The following CA7 variants were observed in gnomAD, a reference collection of about 807,000 sequenced individuals.
The protein encoded by CA7 is carbonate dehydratase VII.
CA7 carries 13 observed loss-of-function variants against 31.4 expected under a neutral mutation model. The ratio of observed to expected loss-of-function variants is 0.41; its 90% CI spans 0.27 to 0.66. The LOEUF (loss-of-function observed/expected upper bound fraction) is 0.66, where lower values mean the gene tolerates loss of function less well. CA7 is among the 30% of genes least tolerant of loss of function. The pLI is 0.28. For synonymous variants in CA7, 128 were observed against 133.2 expected (o/e 0.96, Z 0.27); for missense variants, 215 against 351.0 (o/e 0.61, Z 3.10).
In CA7 at chr16:66,847,507, T is replaced by C. The variant is rs1204781020; in HGVS notation, c.238+280T>C. On this transcript the variant is annotated intron_variant, in intron 2 of 6. Coordinates refer to ENST00000338437, the MANE Select transcript of CA7 (RefSeq NM_005182.3). Reference sequence around the variant, plus strand: ...GGAAATGCTAATTTCTTTCCTTCCCTTCCTTCCCTTCCTTGTGGTGCTACA... The same window carrying C: ...GGAAATGCTAATTTCTTTCCTTCCCCTCCTTCCCTTCCTTGTGGTGCTACA... 1.3e-5 allele frequency among the ~76,000 whole-genome samples: 2 copies of C among 152,206 alleles called. 1 individual carries two copies. The highest frequency in any genetic ancestry group is 4.1e-4 in the South Asian group (2 of 4,828).
chr16:66,853,306 G>T lies in CA7; in HGVS notation c.673-70G>T. On this transcript the variant is annotated intron_variant, in intron 6 of 6. Coordinates refer to ENST00000338437, the MANE Select transcript of CA7 (RefSeq NM_005182.3). The surrounding 1 kb of genome is among the most constrained non-coding windows in gnomAD (Gnocchi z 4.5). The stretch of plus-strand genomic sequence containing the variant: ...AGCTGGCTGGGCAGGTATGCCAGAT[G>T]ATGCATCTGGGGTCATAGAGGACCA... 6.3e-7 allele frequency: 1 copy of T among 1,593,398 alleles called. No homozygotes were observed. Among genetic ancestry groups the T allele is most frequent in the Non-Finnish European group, 8.6e-7 (1 of 1,164,292 alleles).
In CA7 at chr16:66,851,545, G is replaced by A; in HGVS notation, c.440G>A (p.Gly147Asp). Residue 147 changes from glycine (G) to aspartate (D), a missense_variant, in exon 4 of 7, where the codon GGT (glycine) becomes GAT (aspartate). Gly to Asp is a moderately conservative substitution (Grantham distance 94). Coordinates refer to ENST00000338437, the MANE Select transcript of CA7 (RefSeq NM_005182.3). Reference sequence around the variant, plus strand: ...GCACCTGATGGCCTGGCTGTGGTTGGTGTTTTTTTGGAGGTGAGTGGTGGT... The same window carrying A: ...GCACCTGATGGCCTGGCTGTGGTTGATGTTTTTTTGGAGGTGAGTGGTGGT... ...ASAPDGLAVV[G>D]VFLETGDEHP... 6.2e-7 allele frequency: 1 copy of A among 1,614,118 alleles called. No individual in the cohort carries two copies. Among genetic ancestry groups the A allele is most frequent in the Non-Finnish European group, 8.5e-7 (1 of 1,179,996 alleles).
In CA7 at chr16:66,844,441, GGACCGAGCC is replaced by G; in HGVS notation, c.-41_-33del. 1 of 1,506,516 alleles carries G rather than the reference GGACCGAGCC, an allele frequency of 6.6e-7. No homozygotes were observed. Among genetic ancestry groups the G allele is most frequent in the Non-Finnish European group, 8.9e-7 (1 of 1,120,420 alleles). 93.3% of individuals were successfully genotyped at this position (1,506,516 alleles called of 1,614,324 possible). The stretch of plus-strand genomic sequence containing the variant: ...GGCCGGAGCCGCAGCCCGAACGAGC[GGACCGAGCC>G]GACCGGGCAGGTGCACGGCTGCGGG... On this transcript the variant is annotated 5_prime_UTR_variant, in exon 1 of 7. Coordinates refer to ENST00000338437, the MANE Select transcript of CA7 (RefSeq NM_005182.3).
rs763806244 is a variant in CA7, at chr16:66,853,520, C to T, written c.*22C>T. 6.8e-6 allele frequency: 11 copies of T among 1,612,942 alleles called. No homozygotes were observed. In the South Asian group the frequency reaches 8.8e-5, roughly 13 times the overall value. On this transcript the variant is annotated 3_prime_UTR_variant, in exon 7 of 7. Transcript: ENST00000338437. The surrounding 1 kb of genome is among the most constrained non-coding windows in gnomAD (Gnocchi z 4.5). The stretch of plus-strand genomic sequence containing the variant: ...CTGAGCTGCCCATCTGCCTAGCCGG[C>T]CACTAGGGCACCATCTTCTCAAGGG...
In CA7 at chr16:66,852,834, G is replaced by A. The variant is rs1224471413; in HGVS notation, c.639G>A (p.Val213=). 1 of 1,613,818 alleles carries A rather than the reference G, an allele frequency of 6.2e-7. No individual in the cohort carries two copies. The highest frequency in any genetic ancestry group is 1.3e-5 in the African/African-American group (1 of 75,022). The part of the protein sequence containing the change: ...PPLSESVTWI[V]LREPICISER... ...TCAGTGAGAGTGTCACCTGGATTGT[G>A]CTCCGGGAGCCCATCTGCATCTCTG... The change falls in exon 6 of 7, where the codon GTG becomes GTA. Residue 213 remains valine (V), a synonymous_variant. Coordinates refer to ENST00000338437, the MANE Select transcript of CA7 (RefSeq NM_005182.3).
chr16:66,847,418 T>C (rs148035404), intron 2 of CA7, among the ~76,000 whole-genome samples, 191 bp downstream of exon 2: 1 of 152,268 alleles, frequency 6.6e-6, no homozygotes, highest in Non-Finnish European at 1.5e-5. Flanking sequence ...CCCTCTTAGG[T>C]CATAGAGGGG....
At chr16:66,845,582 A>G (rs909273224) in intron 1 of CA7, among the ~76,000 whole-genome samples, 1 of 152,162 alleles carries the variant, frequency 6.6e-6, no homozygotes, top group African/African-American at 2.4e-5. Context: ...AGATCTGGGT[A>G]TGCAAGAGCT....
At chr16:66,848,976 C>T (rs1366552573) in intron 2 of CA7, among the ~76,000 whole-genome samples, 2 of 152,116 alleles carry the variant, frequency 1.3e-5, no homozygotes, top group Non-Finnish European at 2.9e-5. Flanking sequence ...TTGATAAGAC[C>T]GGGCAAGAAA....
At chr16:66,849,715 A>G (rs1262711295) in intron 2 of CA7, among the ~76,000 whole-genome samples, 2 of 152,120 alleles carry the variant, frequency 1.3e-5, no homozygotes, top group Non-Finnish European at 2.9e-5. Flanking sequence ...AGCTAGATAG[A>G]GAGCTGTCCT....
At chr16:66,849,283 C>A (rs190013410) in intron 2 of CA7, among the ~76,000 whole-genome samples, 1 of 152,120 alleles carries the variant, frequency 6.6e-6, no homozygotes, top group Non-Finnish European at 1.5e-5. Context: ...CTGGGGGAGG[C>A]GGCACTGGAG....
chr16:66,853,558 C>T lies in CA7; in HGVS notation c.*60C>T. ...ATCTTCTCAAGGGCTTCCATGTCAGCAGACACCAAACCATCTGAGGCTTCC... is the reference window on the plus strand; with the variant it reads ...ATCTTCTCAAGGGCTTCCATGTCAGTAGACACCAAACCATCTGAGGCTTCC... On this transcript the variant is annotated 3_prime_UTR_variant, in exon 7 of 7. Coordinates refer to ENST00000338437, the MANE Select transcript of CA7 (RefSeq NM_005182.3). This position sits in a 1 kb window ranked among gnomAD's most constrained non-coding sequence, Gnocchi z 4.5. 1 of 1,601,228 alleles carries T rather than the reference C, an allele frequency of 6.2e-7. No homozygotes were observed. The highest frequency in any genetic ancestry group is 8.5e-7 in the Non-Finnish European group (1 of 1,174,796).
chr16:66,845,044 T>G, intron 1 of CA7: 1 of 986,054 alleles, frequency 1.0e-6, no homozygotes, highest in Non-Finnish European at 1.2e-6. Flanking sequence ...GGCCGGTACG[T>G]GAGGGAAGGG....
Position 66,851,500 on chromosome 16 carries a change from C to A in CA7, c.395C>A (p.Thr132Asn). The change falls in exon 4 of 7, where the codon ACT (threonine) becomes AAT (asparagine). Residue 132 changes from threonine to asparagine, a missense_variant. Transcript: ENST00000338437. The stretch of plus-strand genomic sequence containing the variant: ...CACTGGAATGCCAAGAAGTACAGCA[C>A]TTTTGGGGAGGCGGCCTCAGCACCT... ...LVHWNAKKYS[T>N]FGEAASAPDG... 6.2e-7 allele frequency: 1 copy of A among 1,614,138 alleles called. No individual in the cohort carries two copies. The highest frequency in any genetic ancestry group is 8.5e-7 in the Non-Finnish European group (1 of 1,180,010).
intron 2 of CA7, among the ~76,000 whole-genome samples, chr16:66,848,980 C>A (rs938792967): frequency 6.6e-6 from 1 of 152,168 alleles, no homozygotes; most frequent in African/African-American, 2.4e-5. Flanking sequence ...TAAGACCGGG[C>A]AAGAAAGAGG....
chr16:66,852,919 C>G (rs1469061452), intron 6 of CA7, 52 bp downstream of exon 6: 3 of 1,546,958 alleles, frequency 1.9e-6, no homozygotes, highest in East Asian at 2.3e-5. Context: ...AGGGCTCACC[C>G]CAGGCAGTGT....
intron 6 of CA7, 80 bp downstream of exon 6, chr16:66,852,947 C>T (rs1254154607): frequency 7.7e-7 from 1 of 1,302,378 alleles, no homozygotes; most frequent in African/African-American, 1.5e-5. Context: ...CAACTAGCAC[C>T]CCACAGCCCG....
chr16:66,844,442 GA>G lies in CA7; in HGVS notation c.-45del. 6.6e-7 allele frequency: 1 copy of G among 1,511,336 alleles called. No individual in the cohort carries two copies. The highest frequency in any genetic ancestry group is 8.9e-7 in the Non-Finnish European group (1 of 1,124,044). 93.6% of individuals were successfully genotyped at this position (1,511,336 alleles called of 1,614,324 possible). A position where few individuals can be genotyped will look rare whatever the true frequency, so the allele number is the denominator to read the frequency against. On this transcript the variant is annotated 5_prime_UTR_variant, in exon 1 of 7. Transcript: ENST00000338437. ...GCCGGAGCCGCAGCCCGAACGAGCG[GA>G]CCGAGCCGACCGGGCAGGTGCACGG...
At chr16:66,849,920 G>C (rs1243812442) in intron 2 of CA7, among the ~76,000 whole-genome samples, 2 of 152,046 alleles carry the variant, frequency 1.3e-5, no homozygotes, top group Non-Finnish European at 1.5e-5. Flanking sequence ...GGAGTTCGAG[G>C]CCAGCCTGGC....
At chr16:66,849,528 T>C (rs1036604183) in intron 2 of CA7, among the ~76,000 whole-genome samples, 3 of 152,128 alleles carry the variant, frequency 2.0e-5, no homozygotes, top group African/African-American at 7.2e-5. Flanking sequence ...TTGTAGAATA[T>C]GGATAATAAT....
Sources: allele counts gnomAD v4.1 joint callset (sites outside exome capture counted in the v4.1 genomes callset), GRCh38; gene constraint gnomAD v4.1.1; non-coding constraint Gnocchi (gnomAD v3.1); transcripts MANE v1.5; gene names NCBI Gene and HGNC (gene_info 2026-07-23, HGNC 2026-07-21).